SCOC: variants seen among roughly 807,000 people sequenced by gnomAD.
SCOC encodes short coiled coil protein.
SCOC carries 7 observed loss-of-function variants against 9.9 expected under a neutral mutation model. The observed-to-expected ratio is 0.71, with a 90% confidence interval of 0.40 to 1.33. The LOEUF is 1.33. Among genes scored for constraint, SCOC ranks in the 40% most tolerant of loss-of-function variants. The probability of loss-of-function intolerance (pLI) is 0.01; values close to 1 mark genes in which losing one functional copy is unlikely to be tolerated. For synonymous variants in SCOC, 19 were observed against 28.2 expected, an observed-to-expected ratio of 0.67 and a Z score of 1.03; for missense variants, 66 against 89.7, an observed-to-expected ratio of 0.74 and a Z score of 1.07.
At chr4:140,340,862 G>A (rs1726489855), upstream of SCOC, among the ~76,000 whole-genome samples, 1 of 132,296 alleles carries the variant, frequency 7.6e-6, no homozygotes, top group South Asian at 2.5e-4. Context: ...CGAGATCTCA[G>A]CTCACTGCAA....
intron 1 of SCOC, chr4:140,284,929 C>A: frequency 9.1e-6 from 2 of 218,600 alleles, no homozygotes; most frequent in Non-Finnish European, 1.9e-5. Flanking sequence ...ATGAATGCAT[C>A]ATTAATGGCT....
chr4:140,343,420 G>C (rs1391913402), upstream of SCOC: 1 of 475,192 alleles, frequency 2.1e-6, no homozygotes, highest in Non-Finnish European at 3.8e-6. Flanking sequence ...AGGGTTGTAA[G>C]TCATTAACTT....
chr4:140,332,425 G>A (rs1732845928), intron 1 of SCOC, among the ~76,000 whole-genome samples: 1 of 128,942 alleles, frequency 7.8e-6, no homozygotes, highest in South Asian at 2.6e-4. Context: ...AGGCTGGAGT[G>A]CAGAGTGCAA....
chr4:140,298,964 CA>C (rs1354450748), intron 1 of SCOC, among the ~76,000 whole-genome samples: 1 of 152,092 alleles, frequency 6.6e-6, no homozygotes, highest in African/African-American at 2.4e-5. Context: ...CACAGGCACA[CA>C]CTGAAATGCC....
chr4:140,366,702 C>A, intron 2 of SCOC: 3 of 1,588,764 alleles, frequency 1.9e-6, no homozygotes, highest in Non-Finnish European at 2.6e-6. Context: ...GCTGCATGCA[C>A]TTGAAAGGCA....
chr4:140,341,472 T>C (rs2126508629), upstream of SCOC, among the ~76,000 whole-genome samples: 1 of 152,298 alleles, frequency 6.6e-6, no homozygotes. Flanking sequence ...CTCAGCTCCC[T>C]CATCTTTAAA....
At chr4:140,281,802 A>G (rs1731102461) in intron 1 of SCOC, among the ~76,000 whole-genome samples, 1 of 152,202 alleles carries the variant, frequency 6.6e-6, no homozygotes, top group Non-Finnish European at 1.5e-5. Context: ...GCAGCCAATC[A>G]GCAACGGAAG....
chr4:140,318,006 T>C (rs1438661303), intron 1 of SCOC, among the ~76,000 whole-genome samples: 12 of 151,620 alleles, frequency 7.9e-5, no homozygotes, highest in Admixed American at 7.9e-4. Flanking sequence ...ATTTCATCCA[T>C]GTCCCTACAA....
chr4:140,318,164 C>T (rs1423689372), intron 1 of SCOC, among the ~76,000 whole-genome samples: 1 of 149,120 alleles, frequency 6.7e-6, no homozygotes, highest in Non-Finnish European at 1.5e-5. Flanking sequence ...AGGACATAGG[C>T]GTGGGCAAGG....
chr4:140,366,562 C>T, intron 2 of SCOC: 7 of 1,598,590 alleles, frequency 4.4e-6, no homozygotes, highest in African/African-American at 1.3e-5. Context: ...CTTGGCTTTC[C>T]TTTCTCTGGC....
chr4:140,264,294 T>A (rs567756240), intron 1 of SCOC, among the ~76,000 whole-genome samples: 1 of 152,314 alleles, frequency 6.6e-6, no homozygotes, highest in East Asian at 1.9e-4. Context: ...CCTGCCACCA[T>A]GACTGGAAGG....
At chr4:140,369,857 ATTTTTTTTTTTTTTTTTTTTTTT>A (rs540817613), upstream of SCOC, among the ~76,000 whole-genome samples, 5 of 31,376 alleles carry the variant, frequency 1.6e-4, no homozygotes, top group East Asian at 1.1e-3. Context: ...CAGAAGGGGG[ATTTTTTTTTTTTTTTTTTTTTTT>A]TTTTTTTTTT....
intron 2 of SCOC, among the ~76,000 whole-genome samples, chr4:140,353,978 C>A (rs144381048): frequency 1.0e-3 from 153 of 152,340 alleles, no homozygotes; most frequent in African/African-American, 3.3e-3. Context: ...TGCGCACATG[C>A]GTGGTTTTCA....
At chr4:140,352,484 T>G (rs1189731732) in intron 2 of SCOC, among the ~76,000 whole-genome samples, 2 of 152,164 alleles carry the variant, frequency 1.3e-5, no homozygotes, top group Non-Finnish European at 2.9e-5. Context: ...AAAAGGAGAT[T>G]AACTCTGCTT....
chr4:140,287,472 C>A (rs1377887520), intron 1 of SCOC, among the ~76,000 whole-genome samples: 2 of 151,286 alleles, frequency 1.3e-5, no homozygotes, highest in Middle Eastern at 6.3e-3. Flanking sequence ...ACACACACAT[C>A]ATGTGCACAT....
chr4:140,354,623 C>A (rs1245817358), intron 2 of SCOC, among the ~76,000 whole-genome samples: 1 of 144,602 alleles, frequency 6.9e-6, no homozygotes, highest in Non-Finnish European at 1.5e-5. Context: ...AACGTGTAAT[C>A]ATTTGACTGT....
chr4:140,267,996 C>A (rs17005664), intron 1 of SCOC, among the ~76,000 whole-genome samples: 7,917 of 152,250 alleles, frequency 0.052, 497 homozygotes, highest in African/African-American at 0.15. Context: ...GTAGGGAAAC[C>A]AACCGACTTC....
chr4:140,343,351 G>A, upstream of SCOC: 1 of 281,912 alleles, frequency 3.5e-6, no homozygotes, highest in Non-Finnish European at 6.7e-6. Context: ...AAACTTGAAG[G>A]CAGGGTTTGG....
In SCOC at chr4:140,382,013, T is replaced by C. The variant is rs1044202651; in HGVS notation, c.*909T>C. On this transcript the variant is annotated 3_prime_UTR_variant, in exon 4 of 4. Coordinates refer to ENST00000608372, the MANE Select transcript of SCOC (RefSeq NM_001153484.2). Reference sequence around the variant, plus strand: ...TATATGAAAGTGGATTAAGTTTGACTACCCTTATGTTAGCCACATCTGGAT... The same window carrying C: ...TATATGAAAGTGGATTAAGTTTGACCACCCTTATGTTAGCCACATCTGGAT... 2.0e-5 allele frequency: 3 copies of C among 152,192 alleles called. No individual in the cohort carries two copies. The highest frequency in any genetic ancestry group is 6.5e-5 in the Admixed American group (1 of 15,286). The allele number at this position is 152,192 out of a possible 1,614,324, so 9.4% of individuals were successfully genotyped here.
Sources: allele counts gnomAD v4.1 joint callset (sites outside exome capture counted in the v4.1 genomes callset), GRCh38; gene constraint gnomAD v4.1.1; transcripts MANE v1.5; gene names NCBI Gene and HGNC (gene_info 2026-07-23, HGNC 2026-07-21).